Variants in C5orf63 observed in about 807,000 individuals in gnomAD.
C5orf63 encodes chromosome 5 open reading frame 63.
Under a neutral mutation model 13.3 loss-of-function variants are expected in C5orf63, and 18 were observed. The observed-to-expected ratio is 1.36, with a 90% confidence interval of 0.94 to 2.01. The LOEUF (loss-of-function observed/expected upper bound fraction) is 2.01, where lower values mean the gene tolerates loss of function less well. C5orf63 is among the 30% of genes most tolerant of loss of function. The pLI is 0.00. For synonymous variants in C5orf63, 38 were observed against 44.7 expected (o/e 0.85, Z 0.60); for missense variants, 118 against 127.7 (o/e 0.92, Z 0.36).
At chr5:127,053,105 T>C (rs963114781) in intron 3 of C5orf63, among the ~76,000 whole-genome samples, 1 of 152,210 alleles carries the variant, frequency 6.6e-6, no homozygotes, top group African/African-American at 2.4e-5. Context: ...CTGTTTTTCC[T>C]AATCAGTCCA....
chr5:127,051,273 T>G, downstream of C5orf63: 1 of 1,211,424 alleles, frequency 8.3e-7, no homozygotes, highest in Non-Finnish European at 1.0e-6. Context: ...CAGGTATTAT[T>G]AAATCCCACT....
chr5:127,065,893 G>A (rs555488805), intron 2 of C5orf63, among the ~76,000 whole-genome samples: 1 of 152,226 alleles, frequency 6.6e-6, no homozygotes, highest in South Asian at 2.1e-4. Flanking sequence ...GTATGGTGAT[G>A]AACAAGAAAG....
At chr5:127,060,837 C>T (rs1313140098) in intron 2 of C5orf63, among the ~76,000 whole-genome samples, 1 of 152,224 alleles carries the variant, frequency 6.6e-6, no homozygotes, top group Non-Finnish European at 1.5e-5. Context: ...CAACACTCCC[C>T]ACCCTCACAT....
At chr5:127,042,838 T>C (rs1252879132), downstream of C5orf63, 1 of 152,204 alleles carries the variant, frequency 6.6e-6, no homozygotes, top group Non-Finnish European at 1.5e-5. Flanking sequence ...ATGAATGTGT[T>C]CCATTAAATG....
At chr5:127,072,975 T>C (rs902143330) in intron 1 of C5orf63, 1 of 152,226 alleles carries the variant, frequency 6.6e-6, no homozygotes, top group African/African-American at 2.4e-5. Context: ...ACTCACAATG[T>C]TCCCTGCTGC....
At chr5:127,069,801 A>AT (rs1314710533) in intron 2 of C5orf63, among the ~76,000 whole-genome samples, 2 of 152,240 alleles carry the variant, frequency 1.3e-5, no homozygotes, top group East Asian at 1.9e-4. Flanking sequence ...CATTGATAGA[A>AT]TTTTTTTAAT....
intron 3 of C5orf63, among the ~76,000 whole-genome samples, chr5:127,054,266 G>C (rs1753793499): frequency 6.6e-6 from 1 of 152,076 alleles, no homozygotes; most frequent in African/African-American, 2.4e-5. Flanking sequence ...TAGGATCACT[G>C]GGTCAAATGG....
chr5:127,059,320 C>CG (rs1247807647), intron 2 of C5orf63, among the ~76,000 whole-genome samples: 1 of 152,092 alleles, frequency 6.6e-6, no homozygotes, highest in African/African-American at 2.4e-5. Flanking sequence ...CAGATTTTGC[C>CG]GGCATCTTGA....
At chr5:127,048,644 G>T (rs1753582032), downstream of C5orf63, among the ~76,000 whole-genome samples, 1 of 152,162 alleles carries the variant, frequency 6.6e-6, no homozygotes, top group Non-Finnish European at 1.5e-5. Flanking sequence ...GCCTTAGCCA[G>T]TACTTTAGTT....
intron 2 of C5orf63, among the ~76,000 whole-genome samples, chr5:127,064,664 G>A (rs1305661156): frequency 1.3e-5 from 2 of 152,192 alleles, no homozygotes; most frequent in African/African-American, 4.8e-5. Flanking sequence ...CCACACAGGG[G>A]ATGAGAGAAG....
chr5:127,061,783 G>A (rs1325854920), intron 2 of C5orf63, among the ~76,000 whole-genome samples: 1 of 152,176 alleles, frequency 6.6e-6, no homozygotes, highest in Non-Finnish European at 1.5e-5. Flanking sequence ...GATGTGGAAA[G>A]TCTCTATGCT....
chr5:127,067,648 G>C (rs546214865), intron 2 of C5orf63, among the ~76,000 whole-genome samples: 6 of 152,150 alleles, frequency 3.9e-5, no homozygotes, highest in Non-Finnish European at 5.9e-5. Context: ...GTTTCCCCTT[G>C]ATGGGTTTTA....
chr5:127,068,280 A>T (rs1240067112), intron 2 of C5orf63, among the ~76,000 whole-genome samples: 1 of 152,138 alleles, frequency 6.6e-6, no homozygotes, highest in East Asian at 1.9e-4. Flanking sequence ...AAAAAATCCA[A>T]AGTAGTTTTT....
chr5:127,046,890 A>C (rs893938605), downstream of C5orf63: 16 of 152,324 alleles, frequency 1.1e-4, no homozygotes, highest in Admixed American at 9.2e-4. Context: ...GTGAGCCAGG[A>C]GAGAACAAGG....
In C5orf63 at chr5:127,057,534, A is replaced by G. The variant is rs550102615; in HGVS notation, c.114+1348T>C. Reference sequence around the variant, plus strand: ...GCTTAAAACTAGTGTTAGGGATAAGAAAACAACTATAATCAGTCCTCATTA... The same window carrying G: ...GCTTAAAACTAGTGTTAGGGATAAGGAAACAACTATAATCAGTCCTCATTA... On this transcript the variant is annotated intron_variant, in intron 3 of 4. Coordinates refer to ENST00000296662, the MANE Select transcript of C5orf63 (RefSeq NM_001164478.2). Among the ~76,000 whole-genome samples the G allele has an allele frequency of 3.9e-5, 6 of 152,370 alleles. No homozygotes were observed. The South Asian group carries it at 1.2e-3, about 32-fold the overall frequency.
At chr5:127,068,436 A>C (rs1308080298) in intron 2 of C5orf63, among the ~76,000 whole-genome samples, 1 of 152,198 alleles carries the variant, frequency 6.6e-6, no homozygotes, top group East Asian at 1.9e-4. Flanking sequence ...AAAGGAACCA[A>C]GCTGGAAAAT....
At chr5:127,066,909 C>G (rs908646706) in intron 2 of C5orf63, among the ~76,000 whole-genome samples, 6 of 152,158 alleles carry the variant, frequency 3.9e-5, no homozygotes, top group African/African-American at 9.7e-5. Context: ...TGTGTCATCA[C>G]AGAAGTCAAT....
At chr5:127,051,079 A>G (rs1457418231), downstream of C5orf63, among the ~76,000 whole-genome samples, 4 of 152,220 alleles carry the variant, frequency 2.6e-5, no homozygotes, top group Non-Finnish European at 5.9e-5. Flanking sequence ...ATTGATGGTA[A>G]CTGAATAACT....
chr5:127,053,492 G>C (rs1753764489), intron 3 of C5orf63, among the ~76,000 whole-genome samples: 1 of 151,636 alleles, frequency 6.6e-6, no homozygotes, highest in African/African-American at 2.4e-5. Context: ...GTGCCGTTTT[G>C]TTACACATGT....
Sources: allele counts gnomAD v4.1 joint callset (sites outside exome capture counted in the v4.1 genomes callset), GRCh38; gene constraint gnomAD v4.1.1; transcripts MANE v1.5; gene names NCBI Gene and HGNC (gene_info 2026-07-23, HGNC 2026-07-21).